The following NAALADL2 variants were observed in gnomAD, a reference collection of about 807,000 sequenced individuals.
The protein encoded by NAALADL2 is N-acetylated alpha-linked acidic dipeptidase like 2, also known as inactive N-acetylated-alpha-linked acidic dipeptidase-like protein 2.
NAALADL2 carries 76 observed loss-of-function variants against 87.2 expected under a neutral mutation model. That is an observed-to-expected ratio of 0.87 (90% confidence interval 0.72 to 1.05). NAALADL2 has a LOEUF of 1.05. Among genes scored for constraint, NAALADL2 ranks in the 50% least tolerant of loss-of-function variants. NAALADL2 has a pLI of 0.00. For missense variants in NAALADL2, 1,089 were observed against 945.8 expected (o/e 1.15, Z -1.99); for synonymous variants, 354 against 331.0 (o/e 1.07, Z -0.75).
chr3:174,959,263 A>G (rs1427122063), intron 1 of NAALADL2, among the ~76,000 whole-genome samples: 3 of 152,072 alleles, frequency 2.0e-5, no homozygotes, highest in Admixed American at 6.6e-5. Context: ...AAACTGTTGG[A>G]TAACTATTCA....
intron 1 of NAALADL2, among the ~76,000 whole-genome samples, chr3:174,472,251 T>G (rs1716951981): frequency 6.6e-6 from 1 of 152,234 alleles, no homozygotes; most frequent in South Asian, 2.1e-4. Flanking sequence ...TTACTATACC[T>G]TTTCCAGTTT....
chr3:175,457,544 T>C (rs1342028159), intron 6 of NAALADL2, among the ~76,000 whole-genome samples: 1 of 152,060 alleles, frequency 6.6e-6, no homozygotes, highest in Non-Finnish European at 1.5e-5. Flanking sequence ...TATTTTGTGT[T>C]TAAGACAGTT....
intron 1 of NAALADL2, among the ~76,000 whole-genome samples, chr3:174,971,750 T>G (rs1473135332): frequency 2.6e-5 from 4 of 151,496 alleles, no homozygotes; most frequent in Admixed American, 2.6e-4. Context: ...CAGGCTAGAG[T>G]GCAGTGGTGG....
intron 2 of NAALADL2, among the ~76,000 whole-genome samples, chr3:175,116,788 G>A (rs942018900): frequency 1.3e-5 from 2 of 151,892 alleles, no homozygotes; most frequent in African/African-American, 2.4e-5. Flanking sequence ...AACCAAAAAA[G>A]AGCCTGCGTT....
chr3:175,124,537 A>G (rs1041421802), intron 2 of NAALADL2: 15 of 152,038 alleles, frequency 9.9e-5, no homozygotes, highest in African/African-American at 3.4e-4. Flanking sequence ...GAATCTTTCA[A>G]CAGGCTTTCA....
At chr3:174,972,996 CA>C (rs368649970) in intron 1 of NAALADL2, among the ~76,000 whole-genome samples, 4,676 of 127,774 alleles carry the variant, frequency 0.037, 256 homozygotes, top group African/African-American at 0.12. Flanking sequence ...AACTCTGTCT[CA>C]AAAAAAAAAA....
chr3:174,579,758 T>C (rs1237079290), intron 2 of NAALADL2, among the ~76,000 whole-genome samples: 3 of 152,072 alleles, frequency 2.0e-5, no homozygotes, highest in African/African-American at 7.2e-5. Flanking sequence ...CTTCTAGATA[T>C]GGCATTAAAA....
chr3:175,294,282 A>T (rs1475842687), intron 4 of NAALADL2, among the ~76,000 whole-genome samples: 1 of 152,036 alleles, frequency 6.6e-6, no homozygotes, highest in Admixed American at 6.6e-5. Context: ...TTTAATACCT[A>T]CTTATTTGCT....
intron 2 of NAALADL2, among the ~76,000 whole-genome samples, chr3:175,180,145 G>A (rs1531387): frequency 0.73 from 109,975 of 151,406 alleles, 40,454 homozygotes; most frequent in Non-Finnish European, 0.8. Context: ...GAACGTATTA[G>A]AGTATATTGA....
At chr3:174,637,500 G>A (rs1722760067) in intron 2 of NAALADL2, among the ~76,000 whole-genome samples, 2 of 151,578 alleles carry the variant, frequency 1.3e-5, no homozygotes, top group African/African-American at 4.8e-5. Flanking sequence ...ACTGCCCACT[G>A]GTTAGAAAAA....
chr3:174,616,884 C>A (rs1443884755), intron 2 of NAALADL2, among the ~76,000 whole-genome samples: 1 of 151,750 alleles, frequency 6.6e-6, no homozygotes, highest in African/African-American at 2.4e-5. Flanking sequence ...GTTAAAACTT[C>A]AGTACATTTT....
chr3:175,033,309 A>G (rs1753003441), intron 1 of NAALADL2, among the ~76,000 whole-genome samples: 2 of 152,006 alleles, frequency 1.3e-5, no homozygotes, highest in Admixed American at 6.6e-5. Flanking sequence ...TGACCGTGCT[A>G]CCTTGTCCTA....
At chr3:175,045,728 CA>C (rs1754586987) in intron 1 of NAALADL2, among the ~76,000 whole-genome samples, 2 of 152,080 alleles carry the variant, frequency 1.3e-5, no homozygotes, top group Admixed American at 1.3e-4. Flanking sequence ...GAATTGCAAC[CA>C]AGAAATCCCA....
chr3:175,533,470 A>G (rs138446665), intron 9 of NAALADL2, among the ~76,000 whole-genome samples: 112 of 152,198 alleles, frequency 7.4e-4, no homozygotes, highest in Middle Eastern at 3.4e-3. Context: ...ACAGAGTTTG[A>G]TCTCCTCAGA....
At chr3:175,434,004 T>C (rs1718218223) in intron 5 of NAALADL2, among the ~76,000 whole-genome samples, 2 of 151,894 alleles carry the variant, frequency 1.3e-5, no homozygotes. Context: ...CTATATACCA[T>C]CACTACAGCA....
intron 2 of NAALADL2, among the ~76,000 whole-genome samples, chr3:174,657,187 C>T (rs184715973): frequency 4.0e-5 from 6 of 151,874 alleles, no homozygotes; most frequent in Admixed American, 2.0e-4. Context: ...ATGCCACCAC[C>T]GGCCACATTT....
At chr3:175,732,656 G>T (rs968359321) in intron 11 of NAALADL2, among the ~76,000 whole-genome samples, 41 of 152,016 alleles carry the variant, frequency 2.7e-4, no homozygotes, top group Non-Finnish European at 5.9e-5. Context: ...GTGTTGGGAG[G>T]GTGCGGGGTA....
At chr3:174,818,755 G>A (rs939553914) in intron 3 of NAALADL2, among the ~76,000 whole-genome samples, 3 of 152,112 alleles carry the variant, frequency 2.0e-5, no homozygotes, top group Middle Eastern at 3.4e-3. Context: ...GGAGGCCTTC[G>A]TCTATGGGAT....
intron 4 of NAALADL2, among the ~76,000 whole-genome samples, chr3:175,270,187 T>G (rs1752607669): frequency 6.6e-6 from 1 of 152,168 alleles, no homozygotes; most frequent in East Asian, 1.9e-4. Context: ...TGCTTTCAAT[T>G]TGGACAAGAT....
Sources: gnomAD v4.1 joint callset for allele counts (sites outside exome capture counted in the v4.1 genomes callset) on GRCh38, gnomAD v4.1.1 for gene constraint, MANE v1.5 for transcripts, NCBI Gene and HGNC (gene_info 2026-07-23, HGNC 2026-07-21) for gene names.